PDXDC1: variants seen among roughly 807,000 people sequenced by gnomAD.
The protein encoded by PDXDC1 is pyridoxal-dependent decarboxylase domain-containing protein 1.
PDXDC1 carries 42 observed loss-of-function variants against 100.1 expected under a neutral mutation model. That is an observed-to-expected ratio of 0.42 (90% confidence interval 0.33 to 0.54). The LOEUF is 0.54. Ranked by LOEUF, PDXDC1 falls within the 20% of genes least tolerant of loss-of-function variation. PDXDC1 has a pLI of 0.10. For missense variants in PDXDC1, 636 were observed against 979.2 expected, an observed-to-expected ratio of 0.65 and a Z score of 4.68; for synonymous variants, 260 against 371.7, an observed-to-expected ratio of 0.70 and a Z score of 3.46.
At chr16:15,139,725 G>A (rs1033365955), downstream of PDXDC1, among the ~76,000 whole-genome samples, 7 of 152,168 alleles carry the variant, frequency 4.6e-5, no homozygotes, top group African/African-American at 1.7e-4. Flanking sequence ...AGGCTGCAGT[G>A]AGCTATGACT....
chr16:15,110,614 G>C, intron 16 of PDXDC1: 2 of 1,575,812 alleles, frequency 1.3e-6, no homozygotes, highest in Non-Finnish European at 8.6e-7. Flanking sequence ...TCAGCCCTTG[G>C]TGAGAGTGAG....
intron 16 of PDXDC1, among the ~76,000 whole-genome samples, chr16:15,096,500 G>A (rs1023908676): frequency 2.0e-5 from 3 of 152,192 alleles, no homozygotes; most frequent in African/African-American, 7.2e-5. Context: ...TCCTTACTGA[G>A]TTCCTTGGGA....
chr16:15,120,965 AAAAAAG>A (rs2047413104), intron 16 of PDXDC1, among the ~76,000 whole-genome samples: 1 of 72,094 alleles, frequency 1.4e-5, no homozygotes, highest in Non-Finnish European at 2.5e-5. Flanking sequence ...TCTGTCTCAA[AAAAAAG>A]AAAAAAAAAA....
downstream of PDXDC1, chr16:15,038,527 A>G (rs2043651582): frequency 1.9e-6 from 2 of 1,064,082 alleles, no homozygotes; most frequent in Non-Finnish European, 2.9e-6. Flanking sequence ...CAGATGGGGA[A>G]ACCAGGGTGC....
chr16:14,990,487 C>G (rs1244890169), intron 1 of PDXDC1, among the ~76,000 whole-genome samples: 1 of 152,290 alleles, frequency 6.6e-6, no homozygotes, highest in Non-Finnish European at 1.5e-5. Flanking sequence ...TATGAAGACG[C>G]TGTTTTTAGT....
At chr16:15,104,849 G>A in intron 16 of PDXDC1, 2 of 1,511,940 alleles carry the variant, frequency 1.3e-6, no homozygotes, top group South Asian at 1.3e-5. Flanking sequence ...TCTGTTGCTG[G>A]TGATAGATTT....
rs774233524 is a variant in PDXDC1, at chr16:15,036,766, G to C, written c.*491G>C. On this transcript the variant is annotated 3_prime_UTR_variant, in exon 23 of 23. Transcript: ENST00000396410. The stretch of plus-strand genomic sequence containing the variant: ...GGACTGCTAGACTTGAAGGAGAGCA[G>C]TGATTGTGGGATTGTAAATAAGAGC... 6 of 162,086 alleles carry C rather than the reference G, an allele frequency of 3.7e-5. No homozygotes were observed. The highest frequency in any genetic ancestry group is 2.3e-4 in the Admixed American group (4 of 17,594). 10.0% of individuals were successfully genotyped at this position (162,086 alleles called of 1,614,324 possible).
At chr16:15,132,545 G>C (rs999902222) in intron 16 of PDXDC1, among the ~76,000 whole-genome samples, 1 of 151,074 alleles carries the variant, frequency 6.6e-6, no homozygotes, top group African/African-American at 2.4e-5. Context: ...CGTTCACACA[G>C]GACAGCAGAA....
chr16:15,057,275 A>G (rs140934209), intron 16 of PDXDC1, among the ~76,000 whole-genome samples: 125 of 152,178 alleles, frequency 8.2e-4, no homozygotes, highest in African/African-American at 2.7e-3. Flanking sequence ...AAATAACTCT[A>G]TTTCTAGCTA....
chr16:15,130,662 C>T (rs758354890), intron 16 of PDXDC1: 90 of 1,392,840 alleles, frequency 6.5e-5, no homozygotes, highest in African/African-American at 2.4e-4. Context: ...GGTGTAGGGC[C>T]GGTGGTCGGC....
chr16:15,130,496 C>G (rs1037796345), intron 16 of PDXDC1: 10 of 1,372,716 alleles, frequency 7.3e-6, no homozygotes, highest in Non-Finnish European at 1.0e-5. Context: ...CAGGCTCCGC[C>G]AGGTTGGATA....
rs2047533151 is a variant in PDXDC1 at position 15,123,352 on chromosome 16, G to A, written c.1400-15527G>A. 5.2e-6 allele frequency: 6 copies of A among 1,153,940 alleles called. No homozygotes were observed. The African/African-American group carries it at 7.5e-5, about 14-fold the overall frequency. 71.5% of individuals were successfully genotyped at this position (1,153,940 alleles called of 1,614,324 possible). On this transcript the variant is annotated intron_variant, in intron 16 of 16. Transcript: ENST00000535621. ...TGCTTCTGGGCGCTCCTTCCTTCCT[G>A]AGCTCCCAGGGTTCCTCAAGGTCAC...
At chr16:15,140,114 A>AAAAAAAAG (rs1567327364), downstream of PDXDC1, among the ~76,000 whole-genome samples, 3 of 148,368 alleles carry the variant, frequency 2.0e-5, no homozygotes, top group Non-Finnish European at 4.5e-5. Flanking sequence ...AAAAAAAAAA[A>AAAAAAAAG]AAAAGAAAAG....
chr16:15,083,433 A>C, intron 16 of PDXDC1: 2 of 1,571,786 alleles, frequency 1.3e-6, no homozygotes, highest in African/African-American at 1.4e-5. Flanking sequence ...CTGGAAAAGA[A>C]AGAAAAAGAC....
At chr16:15,059,129 C>A (rs947381067) in intron 16 of PDXDC1, among the ~76,000 whole-genome samples, 4 of 152,176 alleles carry the variant, frequency 2.6e-5, no homozygotes, top group Non-Finnish European at 5.9e-5. Flanking sequence ...GCTTTAAAAA[C>A]CATCCATGTC....
intron 16 of PDXDC1, chr16:15,093,900 A>T: frequency 1.9e-6 from 1 of 530,938 alleles, no homozygotes. Flanking sequence ...CTGGGAAATC[A>T]CGAAGAGACA....
chr16:15,126,312 C>G (rs2047723842), intron 16 of PDXDC1, among the ~76,000 whole-genome samples: 1 of 121,926 alleles, frequency 8.2e-6, no homozygotes, highest in Non-Finnish European at 1.8e-5. Context: ...GCTGGGATTA[C>G]AGGTGTGAGC....
intron 6 of PDXDC1, among the ~76,000 whole-genome samples, chr16:15,008,217 TA>T (rs2040949078): frequency 6.6e-6 from 1 of 152,296 alleles, no homozygotes; most frequent in Admixed American, 6.5e-5. Context: ...TTACAATTCC[TA>T]AAACTGTAAA....
At chr16:15,128,348 T>C in intron 16 of PDXDC1, 1 of 1,607,116 alleles carries the variant, frequency 6.2e-7, no homozygotes, top group Non-Finnish European at 8.5e-7. Context: ...CCGCTCCGGC[T>C]GTCCACCCCA....
Sources: allele counts gnomAD v4.1 joint callset (sites outside exome capture counted in the v4.1 genomes callset), GRCh38; gene constraint gnomAD v4.1.1; transcripts MANE v1.5; gene names NCBI Gene and HGNC (gene_info 2026-07-23, HGNC 2026-07-21).